ARPC4: variants seen among roughly 807,000 people sequenced by gnomAD.
ARPC4 encodes the protein actin-related protein 2/3 complex subunit 4.
Under a neutral mutation model 22.8 loss-of-function variants are expected in ARPC4, and 3 were observed. The ratio of observed to expected loss-of-function variants is 0.13; its 90% CI spans 0.06 to 0.34. ARPC4 has a LOEUF of 0.34. Among genes scored for constraint, ARPC4 ranks in the 10% least tolerant of loss-of-function variants. The pLI, the probability that ARPC4 is intolerant of heterozygous loss-of-function variation, is 1.00. For missense variants in ARPC4, 98 were observed against 211.0 expected, an observed-to-expected ratio of 0.46 and a Z score of 3.32; for synonymous variants, 80 against 72.5, an observed-to-expected ratio of 1.10 and a Z score of -0.52.
intron 2 of ARPC4, among the ~76,000 whole-genome samples, chr3:9,798,942 G>A (rs1225317049): frequency 6.6e-6 from 1 of 151,986 alleles, no homozygotes; most frequent in Non-Finnish European, 1.5e-5. Flanking sequence ...AGATAATCTG[G>A]GTTACAACAT....
At chr3:9,793,537 A>T (rs2078804657) in intron 1 of ARPC4, among the ~76,000 whole-genome samples, 1 of 151,916 alleles carries the variant, frequency 6.6e-6, no homozygotes, top group African/African-American at 2.4e-5. Context: ...TGCCTTCCTG[A>T]CCCTACAGTT....
chr3:9,798,614 G>A (rs2078945006), intron 2 of ARPC4, among the ~76,000 whole-genome samples: 1 of 151,954 alleles, frequency 6.6e-6, no homozygotes, highest in Non-Finnish European at 1.5e-5. Flanking sequence ...AGTGGCTCAC[G>A]CCTGTAATCC....
At chr3:9,797,200 A>G (rs181939454) in intron 1 of ARPC4, among the ~76,000 whole-genome samples, 1 of 152,336 alleles carries the variant, frequency 6.6e-6, no homozygotes, top group Admixed American at 6.5e-5. Context: ...TTGTTGGCCT[A>G]ATAGATTGAC....
chr3:9,796,532 G>A (rs531269627), intron 1 of ARPC4, among the ~76,000 whole-genome samples: 1 of 152,324 alleles, frequency 6.6e-6, no homozygotes, highest in Middle Eastern at 3.4e-3. Flanking sequence ...GGCAAAGAAA[G>A]AGGAGAAAAG....
intron 3 of ARPC4, 61 bp downstream of exon 3, chr3:9,800,357 A>C (rs2078982391): frequency 6.5e-7 from 1 of 1,545,346 alleles, no homozygotes; most frequent in Non-Finnish European, 8.9e-7. Flanking sequence ...AGCCTCTTTC[A>C]GTCCGGGGTC....
chr3:9,796,425 A>AT (rs1206833199), intron 1 of ARPC4, among the ~76,000 whole-genome samples: 2 of 152,134 alleles, frequency 1.3e-5, no homozygotes, highest in Non-Finnish European at 2.9e-5. Context: ...CATGAAAGAC[A>AT]TTTTTTTGTC....
At chr3:9,796,554 A>T (rs1037810390) in intron 1 of ARPC4, among the ~76,000 whole-genome samples, 11 of 152,196 alleles carry the variant, frequency 7.2e-5, no homozygotes, top group African/African-American at 2.4e-4. Context: ...CTACAGATAG[A>T]TGGTCAAGCA....
intron 1 of ARPC4, among the ~76,000 whole-genome samples, chr3:9,796,105 TAAAA>T (rs895162113): frequency 1.3e-5 from 2 of 150,364 alleles, no homozygotes; most frequent in African/African-American, 4.9e-5. Flanking sequence ...CAAAAAAAAA[TAAAA>T]AAGGCCAGGC....
chr3:9,803,795 TTC>T, intron 4 of ARPC4, 46 bp from the exon 5 acceptor site: 6 of 1,584,182 alleles, frequency 3.8e-6, no homozygotes, highest in Admixed American at 1.7e-5. Flanking sequence ...GGGGTGCTAA[TTC>T]TCTCCTGTTC....
At position 9,807,086 on chromosome 3, in the gene ARPC4, C is replaced by G. The variant is rs1300721181; in HGVS notation, c.*871C>G. 2 of 152,442 alleles carry G rather than the reference C, an allele frequency of 1.3e-5. No homozygotes were observed. Among genetic ancestry groups the G allele is most frequent in the African/African-American group, 2.4e-5 (1 of 41,452 alleles). The allele number at this position is 152,442 out of a possible 1,614,324, so 9.4% of individuals were successfully genotyped here. Reference sequence around the variant, plus strand: ...CCCTAATTAAAGTCTCTTTTTGCCCCTTTGGGGCTGCATGAGGTCTATGCT... The same window carrying G: ...CCCTAATTAAAGTCTCTTTTTGCCCGTTTGGGGCTGCATGAGGTCTATGCT... On this transcript the variant is annotated 3_prime_UTR_variant, in exon 6 of 6. Transcript: ENST00000397261.
intron 1 of ARPC4, among the ~76,000 whole-genome samples, chr3:9,797,161 A>G (rs888992057): frequency 2.6e-5 from 4 of 152,206 alleles, no homozygotes; most frequent in African/African-American, 9.7e-5. Flanking sequence ...CAGTTAGCTC[A>G]GTGCGTGGCA....
intron 4 of ARPC4, among the ~76,000 whole-genome samples, chr3:9,802,013 G>A (rs972215017): frequency 1.3e-5 from 2 of 152,162 alleles, no homozygotes; most frequent in Non-Finnish European, 1.5e-5. Flanking sequence ...GGCCGAGGTG[G>A]GTGGATCATG....
Position 9,793,147 on chromosome 3 carries a change from C to T in ARPC4, c.3+23C>T, listed in dbSNP as rs1180616132. 5.8e-6 allele frequency: 9 copies of T among 1,539,140 alleles called. No individual in the cohort carries two copies. The African/African-American group carries it at 8.3e-5, about 14-fold the overall frequency. ...ATGGTGAGAGAGCCGGGCCCCCGGC[C>T]AGGGACCCCCGGCTGTTCGGCCTCA... On this transcript the variant is annotated intron_variant, in intron 1 of 5. Coordinates refer to ENST00000397261, the MANE Select transcript of ARPC4 (RefSeq NM_005718.5).
chr3:9,797,858 T>C (rs540948095), intron 2 of ARPC4, 81 bp downstream of exon 2: 12 of 1,379,338 alleles, frequency 8.7e-6, no homozygotes, highest in South Asian at 6.5e-5. Flanking sequence ...CATGAACTTA[T>C]GTCCTGCAGT....
chr3:9,806,278 T>C lies in ARPC4; in HGVS notation c.*63T>C. The C allele has an allele frequency of 6.3e-7, 1 of 1,576,206 alleles. No individual in the cohort carries two copies. Among genetic ancestry groups the C allele is most frequent in the Non-Finnish European group, 8.7e-7 (1 of 1,145,614 alleles). Reference sequence around the variant, plus strand: ...TACCCATGTCTCCACGAAGGCGTCCTGGAGTCACTCCCCGAGCAGCGCGGC... The same window carrying C: ...TACCCATGTCTCCACGAAGGCGTCCCGGAGTCACTCCCCGAGCAGCGCGGC... On this transcript the variant is annotated 3_prime_UTR_variant, in exon 6 of 6. Coordinates refer to ENST00000397261, the MANE Select transcript of ARPC4 (RefSeq NM_005718.5).
Position 9,803,924 on chromosome 3 carries a change from T to C in ARPC4, c.412T>C (p.Phe138Leu). 1 of 1,614,230 alleles carries C rather than the reference T, an allele frequency of 6.2e-7. No homozygotes were observed. Among genetic ancestry groups the C allele is most frequent in the Non-Finnish European group, 8.5e-7 (1 of 1,180,034 alleles). The change falls in exon 5 of 6, where the codon TTC becomes CTC. Residue 138 changes from phenylalanine to leucine, a missense_variant. Physicochemically the swap from Phe to Leu is conservative, Grantham distance 22. Coordinates refer to ENST00000397261, the MANE Select transcript of ARPC4 (RefSeq NM_005718.5). ...KHKLVDFVIH[F>L]MEEIDKEISE... is the part of the protein sequence containing the mutation. ...CAAGTTGGTGGACTTTGTGATCCACTTCATGGAGGAGATTGACAAGGAGAT... is the reference window on the plus strand; with the variant it reads ...CAAGTTGGTGGACTTTGTGATCCACCTCATGGAGGAGATTGACAAGGAGAT...
intron 4 of ARPC4, chr3:9,803,414 C>A (rs2079053214): frequency 2.3e-6 from 1 of 436,648 alleles, no homozygotes; most frequent in South Asian, 1.7e-5. Flanking sequence ...ACCTCTGGGG[C>A]CACCCGGAAT....
At chr3:9,803,575 T>G (rs768307487) in intron 4 of ARPC4, 2 of 606,756 alleles carry the variant, frequency 3.3e-6, no homozygotes, top group Admixed American at 2.1e-5. Context: ...TGACTCATTC[T>G]GAATGCAGAG....
intron 1 of ARPC4, among the ~76,000 whole-genome samples, chr3:9,796,274 A>G (rs2078883007): frequency 6.6e-6 from 1 of 152,196 alleles, no homozygotes; most frequent in Admixed American, 6.5e-5. Context: ...TGCGCCTGTA[A>G]TCCCAGCTAC....
Sources: gnomAD v4.1 joint callset for allele counts (sites outside exome capture counted in the v4.1 genomes callset) on GRCh38, gnomAD v4.1.1 for gene constraint, MANE v1.5 for transcripts, NCBI Gene and HGNC (gene_info 2026-07-23, HGNC 2026-07-21) for gene names.